The following LIX1 variants were observed in gnomAD, a reference collection of about 807,000 sequenced individuals.
LIX1 encodes limb and CNS expressed 1, also known as protein limb expression 1 homolog.
LIX1 carries 24 observed loss-of-function variants against 33.4 expected under a neutral mutation model. The observed-to-expected ratio is 0.72, with a 90% confidence interval of 0.52 to 1.01. The LOEUF (loss-of-function observed/expected upper bound fraction) is 1.01. LIX1 is among the 50% of genes least tolerant of loss of function. LIX1 has a pLI of 0.00. For missense variants in LIX1, 311 were observed against 339.2 expected, an observed-to-expected ratio of 0.92 and a Z score of 0.65; for synonymous variants, 124 against 124.0, an observed-to-expected ratio of 1.00 and a Z score of 0.00.
At position 97,111,421 on chromosome 5, in the gene LIX1, A is replaced by C. The variant is rs115351028; in HGVS notation, c.247-3921T>G. On this transcript the variant is annotated intron_variant, in intron 2 of 5. Transcript: ENST00000274382. Reference sequence around the variant, plus strand: ...TATATTAATGAATTTCAGATGGATAATTGGTCATTGCAGTCAGACACTTTG... The same window carrying C: ...TATATTAATGAATTTCAGATGGATACTTGGTCATTGCAGTCAGACACTTTG... 9.4e-3 allele frequency among the ~76,000 whole-genome samples: 1,431 copies of C among 152,318 alleles called. 27 individuals carry two copies. Among genetic ancestry groups the C allele is most frequent in the African/African-American group, 0.033 (1,368 of 41,558 alleles).
chr5:97,122,659 T>C (rs1335125921), intron 2 of LIX1, among the ~76,000 whole-genome samples: 1 of 152,196 alleles, frequency 6.6e-6, no homozygotes, highest in East Asian at 1.9e-4. Flanking sequence ...TCAGTTTTAG[T>C]TGTCCTTCCC....
intron 4 of LIX1, among the ~76,000 whole-genome samples, chr5:97,099,736 C>G (rs1340099537): frequency 6.6e-6 from 1 of 152,100 alleles, no homozygotes; most frequent in East Asian, 1.9e-4. Context: ...ACTCGGGAGG[C>G]TGAGGCAGGA....
chr5:97,136,778 A>G (rs1166015643), intron 1 of LIX1, among the ~76,000 whole-genome samples: 1 of 152,330 alleles, frequency 6.6e-6, no homozygotes, highest in South Asian at 2.1e-4. Flanking sequence ...CAAACATTTC[A>G]TGGACACTAG....
rs984677215 is a variant in LIX1, at chr5:97,092,289, T to C, written c.*2459A>G. On this transcript the variant is annotated 3_prime_UTR_variant, in exon 6 of 6. Coordinates refer to ENST00000274382, the MANE Select transcript of LIX1 (RefSeq NM_153234.5). The stretch of plus-strand genomic sequence containing the variant: ...GCTTTTATCAGATTCTCAAAGGGCT[T>C]ATAACCAAAAAAGGCTAGGACCCAG... The C allele has an allele frequency of 3.9e-5, 6 of 152,296 alleles. No homozygotes were observed. Among genetic ancestry groups the C allele is most frequent in the Admixed American group, 6.5e-5 (1 of 15,272 alleles). 9.4% of individuals were successfully genotyped at this position (152,296 alleles called of 1,614,324 possible). A position where few individuals can be genotyped will look rare whatever the true frequency, so the allele number is the denominator to read the frequency against.
intron 4 of LIX1, among the ~76,000 whole-genome samples, chr5:97,104,353 G>A (rs756292089): frequency 6.6e-5 from 10 of 152,026 alleles, no homozygotes; most frequent in Non-Finnish European, 1.5e-4. Flanking sequence ...ATGTTCAACT[G>A]CACTGGAGTT....
intron 2 of LIX1, among the ~76,000 whole-genome samples, chr5:97,109,278 A>G (rs1213184213): frequency 6.6e-6 from 1 of 152,040 alleles, no homozygotes; most frequent in Non-Finnish European, 1.5e-5. Flanking sequence ...GTTTTTAAAG[A>G]CTGATTCTCC....
At chr5:97,121,955 A>G (rs915821387) in intron 2 of LIX1, among the ~76,000 whole-genome samples, 1 of 152,194 alleles carries the variant, frequency 6.6e-6, no homozygotes, top group African/African-American at 2.4e-5. Context: ...AGGATGCTCA[A>G]TAATGGACCT....
At chr5:97,134,548 C>A (rs1019265848) in intron 1 of LIX1, among the ~76,000 whole-genome samples, 10 of 152,196 alleles carry the variant, frequency 6.6e-5, no homozygotes, top group African/African-American at 2.4e-4. Context: ...AGTATTTTAG[C>A]AATTCAATCA....
intron 1 of LIX1, among the ~76,000 whole-genome samples, chr5:97,134,498 A>G (rs1048619853): frequency 6.6e-6 from 1 of 152,240 alleles, no homozygotes; most frequent in Non-Finnish European, 1.5e-5. Context: ...CCTTTAATTA[A>G]ATTATCCCTA....
intron 1 of LIX1, among the ~76,000 whole-genome samples, chr5:97,126,042 G>A (rs1747911324): frequency 6.6e-6 from 1 of 152,154 alleles, no homozygotes; most frequent in African/African-American, 2.4e-5. Context: ...TCCTTGATTG[G>A]ACTTGAAGTT....
chr5:97,126,562 G>C (rs1445732580), intron 1 of LIX1, among the ~76,000 whole-genome samples: 1 of 151,614 alleles, frequency 6.6e-6, no homozygotes, highest in African/African-American at 2.4e-5. Context: ...AATACATATT[G>C]AATGGTCAAG....
At chr5:97,124,373 C>A in intron 2 of LIX1, 93 bp downstream of exon 2, 1 of 1,139,038 alleles carries the variant, frequency 8.8e-7, no homozygotes. Context: ...TTCACTATTT[C>A]CAAGAAAATT....
chr5:97,107,322 A>T, intron 3 of LIX1, 38 bp downstream of exon 3: 1 of 1,580,812 alleles, frequency 6.3e-7, no homozygotes, highest in Non-Finnish European at 8.6e-7. Flanking sequence ...CAGAATTCTC[A>T]GTGCAGCCAT....
intron 2 of LIX1, among the ~76,000 whole-genome samples, chr5:97,118,480 G>A (rs1393946980): frequency 6.6e-6 from 1 of 151,620 alleles, no homozygotes; most frequent in African/African-American, 2.4e-5. Context: ...GGATCTGATG[G>A]CCCTTGTATT....
intron 2 of LIX1, among the ~76,000 whole-genome samples, chr5:97,123,824 G>A (rs1747844584): frequency 6.6e-6 from 1 of 152,166 alleles, no homozygotes; most frequent in Non-Finnish European, 1.5e-5. Flanking sequence ...CCTATGCTAA[G>A]AGTGTCATTT....
intron 2 of LIX1, among the ~76,000 whole-genome samples, chr5:97,112,798 T>TAA (rs534869921): frequency 2.8e-5 from 3 of 108,354 alleles, no homozygotes; most frequent in South Asian, 5.4e-4. Flanking sequence ...AAAATTAAAG[T>TAA]AAAAAAAAAA....
intron 3 of LIX1, among the ~76,000 whole-genome samples, chr5:97,107,006 T>C (rs1747080703): frequency 6.6e-6 from 1 of 152,112 alleles, no homozygotes; most frequent in South Asian, 2.1e-4. Flanking sequence ...ATGGAGCTCG[T>C]TTTCCACTAG....
At chr5:97,103,859 G>A (rs1181252877) in intron 4 of LIX1, among the ~76,000 whole-genome samples, 1 of 151,916 alleles carries the variant, frequency 6.6e-6, no homozygotes, top group Non-Finnish European at 1.5e-5. Flanking sequence ...CAGCTACTCA[G>A]GAGGCTGAGG....
intron 2 of LIX1, among the ~76,000 whole-genome samples, chr5:97,119,497 A>G (rs1217742538): frequency 1.3e-5 from 2 of 152,182 alleles, no homozygotes; most frequent in African/African-American, 2.4e-5. Flanking sequence ...CTCAAGTCAT[A>G]TTTTGGAGGG....
Sources: gnomAD v4.1 joint callset for allele counts (sites outside exome capture counted in the v4.1 genomes callset) on GRCh38, gnomAD v4.1.1 for gene constraint, MANE v1.5 for transcripts, NCBI Gene and HGNC (gene_info 2026-07-23, HGNC 2026-07-21) for gene names.